Variants in MYSM1 observed in about 807,000 individuals in gnomAD.
MYSM1 encodes Myb like, SWIRM and MPN domains 1.
Under a neutral mutation model 116.0 loss-of-function variants are expected in MYSM1, and 51 were observed. That is an observed-to-expected ratio of 0.44 (90% CI 0.35 to 0.56). The LOEUF (loss-of-function observed/expected upper bound fraction) is 0.56, where lower values mean the gene tolerates loss of function less well. Ranked by LOEUF, MYSM1 falls within the 20% of genes least tolerant of loss-of-function variation. The pLI is 0.00. For missense variants in MYSM1, 900 were observed against 974.9 expected, an observed-to-expected ratio of 0.92 and a Z score of 1.02; for synonymous variants, 313 against 315.2, an observed-to-expected ratio of 0.99 and a Z score of 0.07.
intron 16 of MYSM1, among the ~76,000 whole-genome samples, chr1:58,666,459 T>G (rs375942956): frequency 2.0e-5 from 3 of 152,286 alleles, no homozygotes; most frequent in African/African-American, 7.2e-5. Flanking sequence ...ATTCATGGCT[T>G]GTTTGTACTT....
At chr1:58,694,738 A>C (rs1644950105) in intron 2 of MYSM1, among the ~76,000 whole-genome samples, 1 of 151,968 alleles carries the variant, frequency 6.6e-6, no homozygotes, top group South Asian at 2.1e-4. Flanking sequence ...GCACAATCAG[A>C]GCTCACTGCA....
chr1:58,682,889 G>A (rs1467595474), intron 7 of MYSM1, among the ~76,000 whole-genome samples: 1 of 152,068 alleles, frequency 6.6e-6, no homozygotes, highest in Non-Finnish European at 1.5e-5. Flanking sequence ...TAGAGATGGG[G>A]TTTCACCATG....
Position 58,665,622 on chromosome 1 carries a change from A to G in MYSM1, c.2041T>C (p.Ser681Pro). 1 of 1,552,316 alleles carries G rather than the reference A, an allele frequency of 6.4e-7. No homozygotes were observed. The highest frequency in any genetic ancestry group is 8.8e-7 in the Non-Finnish European group (1 of 1,132,044). Residue 681 changes from serine (S) to proline (P), a missense_variant, in exon 17 of 20, where the codon TCC becomes CCC. Physicochemically the swap from Ser to Pro is moderately conservative, Grantham distance 74. This residue lies in a region of MYSM1 where 186 missense variants were observed against 196.2 expected (regional missense o/e 0.95). Transcript: ENST00000472487. ...DTQAKYQSYFSRGGAKFIGMI... is the reference protein window; with the variant it reads ...DTQAKYQSYFPRGGAKFIGMI... ...CCAATGAACTTTGCACCTCCTCTGG[A>G]GAAGTAACTCTACAATGACAAGAAA...
intron 1 of MYSM1, among the ~76,000 whole-genome samples, chr1:58,698,896 T>A (rs1645022492): frequency 6.6e-6 from 1 of 152,176 alleles, no homozygotes; most frequent in Non-Finnish European, 1.5e-5. Flanking sequence ...AAACACACTA[T>A]CTTAGTGCCT....
intron 8 of MYSM1, among the ~76,000 whole-genome samples, chr1:58,680,347 C>G (rs1428516415): frequency 6.6e-6 from 1 of 152,126 alleles, no homozygotes; most frequent in Admixed American, 6.5e-5. Context: ...AAACATAATA[C>G]CATCTGCATT....
At position 58,682,240 on chromosome 1, in the gene MYSM1, C is replaced by T. The variant is rs1451141720; in HGVS notation, c.804G>A (p.Gln268=). The stretch of plus-strand genomic sequence containing the variant: ...TGGAAGACTTAGAAAAGAGAGCTTC[C>T]TGGCTGTCAGAAGTAATGAATTCTC... ...NQGEFITSDS[Q]EALFSKSSRG... Residue 268 remains glutamine (Q), a synonymous_variant, in exon 8 of 20, where the codon CAG becomes CAA. Coordinates refer to ENST00000472487, the MANE Select transcript of MYSM1 (RefSeq NM_001085487.3). 2 of 1,612,794 alleles carry T rather than the reference C, an allele frequency of 1.2e-6. No homozygotes were observed. The highest frequency in any genetic ancestry group is 2.2e-5 in the South Asian group (2 of 91,034).
chr1:58,690,202 TA>T, intron 5 of MYSM1, 23 bp downstream of exon 5: 1 of 1,476,104 alleles, frequency 6.8e-7, no homozygotes, highest in South Asian at 1.4e-5. Context: ...AACAGATTTA[TA>T]AATATAAAAT....
chr1:58,677,119 G>T (rs2100634780), intron 8 of MYSM1, 63 bp from the exon 9 acceptor site: 6 of 1,419,076 alleles, frequency 4.2e-6, no homozygotes, highest in South Asian at 1.3e-5. Flanking sequence ...AGATTTCTGG[G>T]GAAAACTTTC....
In MYSM1 at chr1:58,690,221, C is replaced by T. The variant is rs2100672917; in HGVS notation, c.320+5G>A. The T allele has an allele frequency of 6.5e-7, 1 of 1,542,768 alleles. No individual in the cohort carries two copies. Among genetic ancestry groups the T allele is most frequent in the South Asian group, 1.3e-5 (1 of 78,256 alleles). ...GATTTATAAATATAAAATATAAGTA[C>T]ATACATGATTTTTGCTGTTTTCTGC... On this transcript the variant is annotated splice_donor_5th_base_variant and intron_variant, in intron 5 of 19. Coordinates refer to ENST00000472487, the MANE Select transcript of MYSM1 (RefSeq NM_001085487.3).
At position 58,690,974 on chromosome 1, in the gene MYSM1, A is replaced by C. The variant is rs1347603310; in HGVS notation, c.219-557T>G. On this transcript the variant is annotated intron_variant, in intron 3 of 19. Coordinates refer to ENST00000472487, the MANE Select transcript of MYSM1 (RefSeq NM_001085487.3). ...AATCTACCAGAGAACTTCCCTCTTA[A>C]AGTTATTAGAACTAGCCTGATGAGG... is the stretch of plus-strand genomic sequence containing the variant. Among the ~76,000 whole-genome samples, 6 of 152,114 alleles carry C rather than the reference A, an allele frequency of 3.9e-5. No homozygotes were observed. The East Asian group carries it at 1.2e-3, about 29-fold the overall frequency.
intron 1 of MYSM1, among the ~76,000 whole-genome samples, chr1:58,698,040 C>A (rs1645003824): frequency 7.1e-6 from 1 of 141,362 alleles, no homozygotes; most frequent in South Asian, 2.2e-4. Context: ...ACACTAAATT[C>A]CATACGGTTG....
rs200163802 is a variant in MYSM1, at chr1:58,660,030, G to A, written c.2454C>T (p.Thr818=). ...ACAATTCCTTTGTACAGTTCTCTTC[G>A]GTTACTCCATTCTCTTGGTTGCTTT... ...NYKSNQENGV[T]EENCTKELLM The change falls in exon 20 of 20, where the codon ACC becomes ACT. Residue 818 remains threonine (T), a synonymous_variant. Transcript: ENST00000472487. The A allele has an allele frequency of 1.4e-5, 23 of 1,603,250 alleles. No individual in the cohort carries two copies. Among genetic ancestry groups the A allele is most frequent in the African/African-American group, 4.0e-5 (3 of 74,144 alleles).
At chr1:58,697,651 G>A (rs113841209) in intron 1 of MYSM1, among the ~76,000 whole-genome samples, 3,487 of 151,270 alleles carry the variant, frequency 0.023, 89 homozygotes, top group African/African-American at 0.058. Flanking sequence ...GGGCAATGGC[G>A]CGATCTCGGC....
In MYSM1 at chr1:58,659,935, G is replaced by A; in HGVS notation, c.*62C>T. On this transcript the variant is annotated 3_prime_UTR_variant, in exon 20 of 20. Transcript: ENST00000472487. ...CCAATGTTAACTACAATCACTTCAA[G>A]TTTATAACTTTGAAAGTAAGATCTA... The A allele has an allele frequency of 1.8e-6, 2 of 1,137,928 alleles. No individual in the cohort carries two copies. The highest frequency in any genetic ancestry group is 2.4e-6 in the Non-Finnish European group (2 of 842,384). The allele number at this position is 1,137,928 out of a possible 1,614,324, so 70.5% of individuals were successfully genotyped here. A position where few individuals can be genotyped will look rare whatever the true frequency, so the allele number is the denominator to read the frequency against.
intron 11 of MYSM1, 72 bp downstream of exon 11, chr1:58,673,501 G>A (rs1644595706): frequency 8.4e-7 from 1 of 1,189,384 alleles, no homozygotes; most frequent in East Asian, 2.4e-5. Context: ...CAATACATAT[G>A]ACATTAAGAT....
intron 6 of MYSM1, among the ~76,000 whole-genome samples, chr1:58,686,030 A>G (rs931275290): frequency 3.9e-5 from 6 of 152,138 alleles, no homozygotes; most frequent in African/African-American, 1.4e-4. Context: ...GGCTTAAGCA[A>G]TCCTCCCACC....
At chr1:58,680,075 A>T (rs892811490) in intron 8 of MYSM1, among the ~76,000 whole-genome samples, 2 of 151,566 alleles carry the variant, frequency 1.3e-5, no homozygotes, top group Non-Finnish European at 2.9e-5. Flanking sequence ...CTCCTGACCA[A>T]TATGGACATT....
chr1:58,673,384 T>G (rs1644593603), intron 11 of MYSM1, among the ~76,000 whole-genome samples, 189 bp downstream of exon 11: 1 of 152,194 alleles, frequency 6.6e-6, no homozygotes, highest in Non-Finnish European at 1.5e-5. Context: ...TGAGTTAAAC[T>G]CCTAGTTAAC....
In MYSM1 at chr1:58,661,233, G is replaced by A. The variant is rs1644386496; in HGVS notation, c.2271-6C>T. The A allele has an allele frequency of 1.2e-6, 2 of 1,611,718 alleles. No individual in the cohort carries two copies. The highest frequency in any genetic ancestry group is 2.7e-5 in the African/African-American group (2 of 74,800). ...TTTTATCCATGGGGACGCTGCTGTAGGAAGAAATATGAAAACAAACTGGTG... is the reference window on the plus strand; with the variant it reads ...TTTTATCCATGGGGACGCTGCTGTAAGAAGAAATATGAAAACAAACTGGTG... On this transcript the variant is annotated splice_region_variant and splice_polypyrimidine_tract_variant and intron_variant, in intron 18 of 19. Coordinates refer to ENST00000472487, the MANE Select transcript of MYSM1 (RefSeq NM_001085487.3).
Sources: gnomAD v4.1 joint callset for allele counts (sites outside exome capture counted in the v4.1 genomes callset) on GRCh38, gnomAD v4.1.1 for gene constraint, gnomAD v4.1.1 regional missense constraint, MANE v1.5 for transcripts, NCBI Gene and HGNC (gene_info 2026-07-23, HGNC 2026-07-21) for gene names.